The following EIF4G1 variants were observed in gnomAD, a reference collection of about 807,000 sequenced individuals.
EIF4G1 encodes the protein EIF4-gamma.
Under a neutral mutation model 187.8 loss-of-function variants are expected in EIF4G1, and 4 were observed. The ratio of observed to expected loss-of-function variants is 0.02; its 90% CI spans 0.01 to 0.05. EIF4G1 has a LOEUF of 0.05. Ranked by LOEUF, EIF4G1 falls within the 10% of genes least tolerant of loss-of-function variation. The pLI, the probability that EIF4G1 is intolerant of heterozygous loss-of-function variation, is 1.00. For missense variants in EIF4G1, 1,647 were observed against 2,081.1 expected (o/e 0.79, Z 4.06); for synonymous variants, 844 against 781.4 (o/e 1.08, Z -1.34).
chr3:184,329,714 T>C (rs1252507827), intron 28 of EIF4G1, among the ~76,000 whole-genome samples: 1 of 152,192 alleles, frequency 6.6e-6, no homozygotes, highest in Non-Finnish European at 1.5e-5. Flanking sequence ...GTATCTTAAG[T>C]ACTGTGGGGT....
chr3:184,325,249 G>C lies in EIF4G1; in HGVS notation c.2857-20G>C. 6.2e-7 allele frequency: 1 copy of C among 1,613,646 alleles called. No individual in the cohort carries two copies. Among genetic ancestry groups the C allele is most frequent in the Non-Finnish European group, 8.5e-7 (1 of 1,179,584 alleles). ...GTGGGACATGAGAAGTTCCTGGTCT[G>C]ATGCCTTTCTCCTTCCTAGCCCCGA... On this transcript the variant is annotated intron_variant, in intron 18 of 32. Transcript: ENST00000346169. This position sits in a 1 kb window ranked among gnomAD's most constrained non-coding sequence, Gnocchi z 5.2.
chr3:184,316,254 G>A, intron 4 of EIF4G1, 36 bp downstream of exon 4: 1 of 1,610,996 alleles, frequency 6.2e-7, no homozygotes, highest in Non-Finnish European at 8.5e-7. Context: ...GGGGACCTGG[G>A]TGGGAGCAGT....
chr3:184,327,522 A>C (rs1725173288), intron 24 of EIF4G1, 64 bp from the exon 25 acceptor site: 1 of 1,612,534 alleles, frequency 6.2e-7, no homozygotes, highest in Non-Finnish European at 8.5e-7. Context: ...GCTTTTTGAG[A>C]GCTCCAAATC....
intron 32 of EIF4G1, 23 bp downstream of exon 32, chr3:184,332,109 A>C (rs1309911737): frequency 6.2e-7 from 1 of 1,613,916 alleles, no homozygotes; most frequent in Non-Finnish European, 8.5e-7. Context: ...CCATGGGGAC[A>C]GGGGTGGGGT....
chr3:184,320,950 A>G lies in EIF4G1; in HGVS notation c.654A>G (p.Gln218=), dbSNP rs754625667. ...PPQTGGGLEP[Q]ANGETPQVAV... is the part of the protein sequence containing the mutation. ...AGACGGGAGGCGGTCTGGAGCCTCA[A>G]GCTAATGGGGAGACGCCCCAGGTTG... The change falls in exon 9 of 33, where the codon CAA becomes CAG. Residue 218 remains glutamine (Q), a synonymous_variant. Transcript: ENST00000346169. 7.2e-5 allele frequency: 116 copies of G among 1,614,102 alleles called. 3 individuals are homozygous for G. The Middle Eastern group carries it at 2.3e-3, about 32-fold the overall frequency.
At chr3:184,320,287 A>T in intron 7 of EIF4G1, 1 of 1,254,070 alleles carries the variant, frequency 8.0e-7, no homozygotes, top group Non-Finnish European at 1.0e-6. Flanking sequence ...GATCAGGCAC[A>T]CTAGCCACAA....
rs1723795967 is a variant in EIF4G1, at chr3:184,320,978, G to T, written c.682G>T (p.Val228Phe). 6.2e-7 allele frequency: 1 copy of T among 1,614,058 alleles called. No homozygotes were observed. The highest frequency in any genetic ancestry group is 1.3e-5 in the African/African-American group (1 of 75,064). The change falls in exon 9 of 33, where the codon GTC becomes TTC. Residue 228 changes from valine to phenylalanine, a missense_variant. By Grantham distance (50) the Val-to-Phe change is conservative (BLOSUM62 -1). Around this residue, in one of 11 missense-constraint regions of EIF4G1, gnomAD observed 522 missense variants for 485.2 expected, o/e 1.08. Coordinates refer to ENST00000346169, the MANE Select transcript of EIF4G1 (RefSeq NM_198241.3). ...TAATGGGGAGACGCCCCAGGTTGCTGTCATTGTCCGGCCAGGTAAGTAAGC... is the reference window on the plus strand; with the variant it reads ...TAATGGGGAGACGCCCCAGGTTGCTTTCATTGTCCGGCCAGGTAAGTAAGC... ...QANGETPQVA[V>F]IVRPDDRSQG... is the part of the protein sequence containing the mutation.
At chr3:184,321,096 C>T in intron 9 of EIF4G1, 103 bp downstream of exon 9, 1 of 1,511,836 alleles carries the variant, frequency 6.6e-7, no homozygotes, top group Non-Finnish European at 9.0e-7. Context: ...AGAATGATGA[C>T]TTAGATTTCA....
chr3:184,320,394 G>A, intron 7 of EIF4G1: 3 of 1,420,382 alleles, frequency 2.1e-6, no homozygotes, highest in African/African-American at 1.4e-5. Context: ...GGAGGGAGGG[G>A]CATTGTGATG....
At chr3:184,314,964 G>A (rs1446257943) in intron 1 of EIF4G1, among the ~76,000 whole-genome samples, 3 of 151,344 alleles carry the variant, frequency 2.0e-5, no homozygotes, top group Admixed American at 6.6e-5. Context: ...GGCCTGACCC[G>A]AGGAGGCCCG....
rs1338369603 is a variant in EIF4G1, at chr3:184,322,963, C to G, written c.1929+9C>G. On this transcript the variant is annotated intron_variant, in intron 13 of 32. Transcript: ENST00000346169. ...ACGTGGTGCTGGACAAGGTTAGTGG[C>G]TTCAGTTGGGGAGGGGACGATAAGT... 2 of 1,614,136 alleles carry G rather than the reference C, an allele frequency of 1.2e-6. No homozygotes were observed. Among genetic ancestry groups the G allele is most frequent in the East Asian group, 2.2e-5 (1 of 44,888 alleles).
At chr3:184,321,224 G>C (rs561865044) in intron 9 of EIF4G1, 58 bp from the exon 10 acceptor site, 1 of 1,606,242 alleles carries the variant, frequency 6.2e-7, no homozygotes, top group East Asian at 2.2e-5. Flanking sequence ...GGATGGGGAG[G>C]AACAACAGCA....
chr3:184,316,231 G>T lies in EIF4G1; in HGVS notation c.147+13G>T. ...TCAGCCCCGCCAGGTGAGGGGCTGT[G>T]GGGAGGGGAGTAGGGGACCTGGGTG... On this transcript the variant is annotated intron_variant, in intron 4 of 32. Coordinates refer to ENST00000346169, the MANE Select transcript of EIF4G1 (RefSeq NM_198241.3). 6.2e-7 allele frequency: 1 copy of T among 1,613,858 alleles called. No homozygotes were observed.
Position 184,331,274 on chromosome 3 carries a change from A to C in EIF4G1, c.4170A>C (p.Lys1390Asn). 1 of 1,614,178 alleles carries C rather than the reference A, an allele frequency of 6.2e-7. No homozygotes were observed. Among genetic ancestry groups the C allele is most frequent in the Non-Finnish European group, 8.5e-7 (1 of 1,180,034 alleles). Residue 1390 changes from lysine to asparagine, a missense_variant, in exon 29 of 33, where the codon AAA (lysine) becomes AAC (asparagine). This residue lies in a region of EIF4G1 where 543 missense variants were observed against 638.0 expected (regional missense o/e 0.85). Coordinates refer to ENST00000346169, the MANE Select transcript of EIF4G1 (RefSeq NM_198241.3). ...GGTCTTGTGTTTTCCAGGGTCCTAA[A>C]AAGGTGGGGACGCTGTGGCGAGAAG... ...LGLLCKSMGP[K>N]KVGTLWREAG... is the part of the protein sequence containing the mutation.
At chr3:184,333,738 C>A (rs910869665) in intron 32 of EIF4G1, among the ~76,000 whole-genome samples, 4 of 152,140 alleles carry the variant, frequency 2.6e-5, no homozygotes, top group Non-Finnish European at 4.4e-5. Context: ...CAAGTGTAGA[C>A]AAAATATTTT....
Position 184,320,992 on chromosome 3 carries a change from A to C in EIF4G1, c.696A>C (p.Pro232=), listed in dbSNP as rs1244413135. The C allele has an allele frequency of 1.9e-6, 3 of 1,613,882 alleles. No homozygotes were observed. Among genetic ancestry groups the C allele is most frequent in the Non-Finnish European group, 2.5e-6 (3 of 1,179,992 alleles). Residue 232 remains proline, a splice_region_variant and synonymous_variant, in exon 9 of 33, where the codon CCA becomes CCC. Transcript: ENST00000346169. ...ETPQVAVIVR[P]DDRSQGAIIA... is the part of the protein sequence containing the mutation. Reference sequence around the variant, plus strand: ...CCCAGGTTGCTGTCATTGTCCGGCCAGGTAAGTAAGCCGGTGGGACGGAGC... The same window carrying C: ...CCCAGGTTGCTGTCATTGTCCGGCCCGGTAAGTAAGCCGGTGGGACGGAGC...
In EIF4G1 at chr3:184,328,554, C is replaced by T. The variant is rs1336052297; in HGVS notation, c.3954-77C>T. On this transcript the variant is annotated intron_variant, in intron 26 of 32. Transcript: ENST00000346169. The stretch of plus-strand genomic sequence containing the variant: ...TTCCTGGGGGTTCCATAGTTGATGC[C>T]CTAGCCATGCCACGTTGCCCCAGAA... 9 of 1,606,568 alleles carry T rather than the reference C, an allele frequency of 5.6e-6. No individual in the cohort carries two copies. In the East Asian group the frequency reaches 1.1e-4, roughly 20 times the overall value.
intron 6 of EIF4G1, 82 bp from the exon 7 acceptor site, chr3:184,319,607 G>A (rs942006850): frequency 1.8e-5 from 17 of 921,692 alleles, no homozygotes; most frequent in Non-Finnish European, 2.8e-5. Flanking sequence ...AGAGGTTTTG[G>A]GGTGGGAGGT....
At position 184,321,369 on chromosome 3, in the gene EIF4G1, C is replaced by T; in HGVS notation, c.785C>T (p.Pro262Leu). Residue 262 changes from proline to leucine, a missense_variant, in exon 10 of 33, where the codon CCT (proline) becomes CTT (leucine). By Grantham distance (98) the Pro-to-Leu change is moderately conservative. Coordinates refer to ENST00000346169, the MANE Select transcript of EIF4G1 (RefSeq NM_198241.3). The part of the protein sequence containing the change: ...HSPSESQPSS[P>L]SPTPSPSPVL... ...CCTTCAGAATCCCAGCCTTCGTCGC[C>T]TTCTCCGACCCCATCACCATCCCCA... The T allele has an allele frequency of 6.2e-7, 1 of 1,614,182 alleles. No homozygotes were observed. The highest frequency in any genetic ancestry group is 8.5e-7 in the Non-Finnish European group (1 of 1,180,034).
Sources: gnomAD v4.1 joint callset for allele counts (sites outside exome capture counted in the v4.1 genomes callset) on GRCh38, gnomAD v4.1.1 for gene constraint, gnomAD v4.1.1 regional missense constraint, Gnocchi (gnomAD v3.1) non-coding constraint, MANE v1.5 for transcripts, NCBI Gene and HGNC (gene_info 2026-07-23, HGNC 2026-07-21) for gene names.